Variants in TSHR observed in about 807,000 individuals in gnomAD.
TSHR encodes the protein thyrotropin receptor.
Under a neutral mutation model 64.1 loss-of-function variants are expected in TSHR, and 51 were observed. The observed-to-expected ratio is 0.80, with a 90% CI of 0.64 to 1.01. The LOEUF (loss-of-function observed/expected upper bound fraction) is 1.01. Ranked by LOEUF, TSHR falls within the 50% of genes least tolerant of loss-of-function variation. The pLI, the probability that TSHR is intolerant of heterozygous loss-of-function variation, is 0.00. For synonymous variants in TSHR, 361 were observed against 361.9 expected, an observed-to-expected ratio of 1.00 and a Z score of 0.03; for missense variants, 877 against 942.8, an observed-to-expected ratio of 0.93 and a Z score of 0.91.
intron 1 of TSHR, among the ~76,000 whole-genome samples, chr14:81,000,699 G>A (rs1427429579): frequency 1.3e-5 from 2 of 152,118 alleles, no homozygotes; most frequent in Non-Finnish European, 1.5e-5. Context: ...TTCCTCAGGG[G>A]TCATGACAAA....
chr14:80,984,174 C>T (rs1365003498), intron 1 of TSHR, among the ~76,000 whole-genome samples: 1 of 152,170 alleles, frequency 6.6e-6, no homozygotes, highest in African/African-American at 2.4e-5. Context: ...AGAAACTACT[C>T]TTTTTCTCCT....
intron 1 of TSHR, among the ~76,000 whole-genome samples, chr14:81,023,168 T>C (rs1883862936): frequency 6.6e-6 from 1 of 152,218 alleles, no homozygotes; most frequent in Admixed American, 6.5e-5. Context: ...CAGATTGACC[T>C]GAATAGGCTA....
At chr14:81,010,558 T>C (rs1889850484) in intron 1 of TSHR, among the ~76,000 whole-genome samples, 1 of 152,168 alleles carries the variant, frequency 6.6e-6, no homozygotes, top group East Asian at 1.9e-4. Context: ...GCACTATGGA[T>C]GGTTGTACAT....
rs1466199189 is a variant in TSHR at position 80,959,679 on chromosome 14, G to A, written c.170+3829G>A. 1.3e-5 allele frequency among the ~76,000 whole-genome samples: 2 copies of A among 152,212 alleles called. 1 individual carries two copies. The highest frequency in any genetic ancestry group is 3.8e-4 in the East Asian group (2 of 5,196). On this transcript the variant is annotated intron_variant, in intron 1 of 9. Coordinates refer to ENST00000298171, the MANE Select transcript of TSHR (RefSeq NM_000369.5). ...GTGGTCTTGGGTTTCGACGAAGTAA[G>A]TGGTTTGGACACCTGTGTGCCTTCA...
At position 81,139,962 on chromosome 14, in the gene TSHR, C is replaced by T. The variant is rs1891617086; in HGVS notation, c.881+95C>T. The T allele has an allele frequency of 4.0e-6, 6 of 1,488,054 alleles. No individual in the cohort carries two copies. The South Asian group carries it at 7.2e-5, about 18-fold the overall frequency. 92.2% of individuals were successfully genotyped at this position (1,488,054 alleles called of 1,614,324 possible). On this transcript the variant is annotated intron_variant, in intron 9 of 9. Coordinates refer to ENST00000298171, the MANE Select transcript of TSHR (RefSeq NM_000369.5). Reference sequence around the variant, plus strand: ...GGGAAGATGCTTCCTGGTTTGAAAACCAGGTGGAGAGGAAATTGGAAGCAT... The same window carrying T: ...GGGAAGATGCTTCCTGGTTTGAAAATCAGGTGGAGAGGAAATTGGAAGCAT...
In TSHR at chr14:80,955,758, T is replaced by C. The variant is rs1017867335; in HGVS notation, c.78T>C (p.Ser26=). 1 of 1,614,136 alleles carries C rather than the reference T, an allele frequency of 6.2e-7. No homozygotes were observed. Among genetic ancestry groups the C allele is most frequent in the Non-Finnish European group, 8.5e-7 (1 of 1,180,008 alleles). Residue 26 remains serine (S), a synonymous_variant, in exon 1 of 10, where the codon TCT becomes TCC. Coordinates refer to ENST00000298171, the MANE Select transcript of TSHR (RefSeq NM_000369.5). ...PRDLGGMGCS[S]PPCECHQEED... ...ACCTGGGCGGAATGGGGTGTTCGTC[T>C]CCACCCTGCGAGTGCCATCAGGAGG... is the stretch of plus-strand genomic sequence containing the variant.
intron 2 of TSHR, among the ~76,000 whole-genome samples, chr14:81,067,483 T>TATA (rs10528933): frequency 8.1e-5 from 11 of 134,972 alleles, no homozygotes; most frequent in African/African-American, 1.4e-4. Context: ...GTTTATAGTT[T>TATA]TATATATATA....
At chr14:81,071,477 G>A (rs111975449) in intron 3 of TSHR, among the ~76,000 whole-genome samples, 2,386 of 151,734 alleles carry the variant, frequency 0.016, 83 homozygotes, top group African/African-American at 0.053. Flanking sequence ...TTTTTTTACC[G>A]TCATTGTTTC....
At chr14:80,996,004 T>C (rs1314810946) in intron 1 of TSHR, among the ~76,000 whole-genome samples, 1 of 152,206 alleles carries the variant, frequency 6.6e-6, no homozygotes, top group Non-Finnish European at 1.5e-5. Flanking sequence ...GGGTGAACTG[T>C]ATCTGTTTTT....
At chr14:81,012,996 T>C (rs1314864357) in intron 1 of TSHR, 2 of 152,362 alleles carry the variant, frequency 1.3e-5, no homozygotes, top group African/African-American at 4.8e-5. Flanking sequence ...TTTTGGTGTT[T>C]TAGACATGAA....
intron 1 of TSHR, among the ~76,000 whole-genome samples, chr14:81,037,909 A>C (rs927742034): frequency 6.6e-6 from 1 of 150,858 alleles, no homozygotes; most frequent in Admixed American, 6.6e-5. Flanking sequence ...TCAGCAATAG[A>C]TAGATCATCC....
chr14:81,108,952 C>G, intron 8 of TSHR: 1 of 1,343,122 alleles, frequency 7.4e-7, no homozygotes, highest in Admixed American at 3.2e-5. Flanking sequence ...GAAAACATAC[C>G]TATTTGTGCA....
At chr14:80,968,182 G>C (rs539474629) in intron 1 of TSHR, among the ~76,000 whole-genome samples, 1 of 152,270 alleles carries the variant, frequency 6.6e-6, no homozygotes, top group African/African-American at 2.4e-5. Flanking sequence ...CCTGAAGCTA[G>C]TCAGAGCTCA....
intron 9 of TSHR, among the ~76,000 whole-genome samples, chr14:81,140,175 C>T (rs943459145): frequency 5.3e-5 from 8 of 152,144 alleles, no homozygotes; most frequent in Admixed American, 3.9e-4. Flanking sequence ...GTCCGGTTTC[C>T]AGGTACAATT....
chr14:81,065,254 A>C (rs552563952), intron 2 of TSHR, among the ~76,000 whole-genome samples: 1 of 152,150 alleles, frequency 6.6e-6, no homozygotes, highest in East Asian at 1.9e-4. Flanking sequence ...AGGCAGTTGA[A>C]GGTTCTGCTA....
At position 80,955,839 on chromosome 14, in the gene TSHR, T is replaced by C; in HGVS notation, c.159T>C (p.Ser53=). ...AACGCATCCCCAGCTTACCGCCCAGTACGCAGACTCTGTGAGTACCCGGGA... is the reference window on the plus strand; with the variant it reads ...AACGCATCCCCAGCTTACCGCCCAGCACGCAGACTCTGTGAGTACCCGGGA... ...DIQRIPSLPP[S]TQTLKLIETH... Residue 53 remains serine (S), a synonymous_variant, in exon 1 of 10, where the codon AGT becomes AGC. Transcript: ENST00000298171. The C allele has an allele frequency of 6.2e-7, 1 of 1,614,150 alleles. No homozygotes were observed. Among genetic ancestry groups the C allele is most frequent in the South Asian group, 1.1e-5 (1 of 91,080 alleles).
intron 8 of TSHR, among the ~76,000 whole-genome samples, chr14:81,119,289 G>A (rs1269301234): frequency 4.9e-3 from 689 of 140,638 alleles, no homozygotes; most frequent in African/African-American, 0.017. Context: ...TCTGACAAAG[G>A]GCTAATATCC....
At chr14:80,964,975 C>T (rs770883614) in intron 1 of TSHR, among the ~76,000 whole-genome samples, 5 of 152,048 alleles carry the variant, frequency 3.3e-5, no homozygotes, top group African/African-American at 4.8e-5. Context: ...AAGGAATGAA[C>T]GTAGAAATGA....
chr14:81,065,029 C>A (rs901476009), intron 2 of TSHR, among the ~76,000 whole-genome samples: 3 of 152,044 alleles, frequency 2.0e-5, no homozygotes, highest in African/African-American at 7.2e-5. Context: ...ATTAGGCTCA[C>A]AGACACTTTG....
Sources: gnomAD v4.1 joint callset for allele counts (sites outside exome capture counted in the v4.1 genomes callset) on GRCh38, gnomAD v4.1.1 for gene constraint, MANE v1.5 for transcripts, NCBI Gene and HGNC (gene_info 2026-07-23, HGNC 2026-07-21) for gene names.